The following IQGAP2 variants were observed in gnomAD, a reference collection of about 807,000 sequenced individuals.
The protein encoded by IQGAP2 is ras GTPase-activating-like protein IQGAP2.
Under a neutral mutation model 201.3 loss-of-function variants are expected in IQGAP2, and 173 were observed. The ratio of observed to expected loss-of-function variants is 0.86; its 90% confidence interval spans 0.76 to 0.98. The LOEUF is 0.98. IQGAP2 is among the 50% of genes least tolerant of loss of function. IQGAP2 has a pLI of 0.00. For synonymous variants in IQGAP2, 675 were observed against 673.9 expected (o/e 1.00, Z -0.03); for missense variants, 1,687 against 1,864.8 (o/e 0.90, Z 1.76).
At chr5:76,515,195 T>A (rs1433582652) in intron 2 of IQGAP2, among the ~76,000 whole-genome samples, 1 of 152,254 alleles carries the variant, frequency 6.6e-6, no homozygotes, top group African/African-American at 2.4e-5. Flanking sequence ...TTATCATGCT[T>A]CTTCACATGC....
At chr5:76,685,348 TA>T (rs1234899461) in intron 30 of IQGAP2, among the ~76,000 whole-genome samples, 1 of 152,218 alleles carries the variant, frequency 6.6e-6, no homozygotes, top group African/African-American at 2.4e-5. Context: ...CATGATCTCA[TA>T]AGCTTTGTCC....
chr5:76,686,536 G>T (rs190165407), intron 30 of IQGAP2, among the ~76,000 whole-genome samples: 6 of 151,984 alleles, frequency 3.9e-5, no homozygotes, highest in African/African-American at 9.7e-5. Context: ...TTGAGACAGC[G>T]TCTCGCTCTG....
chr5:76,702,696 A>T, intron 35 of IQGAP2, 106 bp downstream of exon 35: 1 of 639,440 alleles, frequency 1.6e-6, no homozygotes, highest in Non-Finnish European at 2.8e-6. Context: ...TTAACAGAAA[A>T]CCAGTGCCAG....
At chr5:76,595,605 T>G (rs1286975220) in intron 9 of IQGAP2, among the ~76,000 whole-genome samples, 1 of 151,410 alleles carries the variant, frequency 6.6e-6, no homozygotes, top group Non-Finnish European at 1.5e-5. Context: ...CAAAAAAAAT[T>G]TAAAAATTAG....
intron 3 of IQGAP2, 27 bp from the exon 4 acceptor site, chr5:76,570,553 C>G (rs1354276231): frequency 6.5e-7 from 1 of 1,536,938 alleles, no homozygotes; most frequent in South Asian, 1.1e-5. Context: ...TCCTTCTCTC[C>G]CTTTTTCCCT....
chr5:76,684,811 G>A (rs1349701429), intron 30 of IQGAP2, among the ~76,000 whole-genome samples: 2 of 152,166 alleles, frequency 1.3e-5, no homozygotes, highest in African/African-American at 2.4e-5. Flanking sequence ...TGTGCTTGAA[G>A]TGTGAATGAA....
At chr5:76,562,625 TTTACTC>T in intron 3 of IQGAP2, 73 bp downstream of exon 3, 1 of 1,339,542 alleles carries the variant, frequency 7.5e-7, no homozygotes, top group African/African-American at 1.4e-5. Flanking sequence ...TCTCCCTTCT[TTTACTC>T]TTAGTGTTTC....
At chr5:76,590,383 T>TTCTC in intron 7 of IQGAP2, 25 bp from the exon 8 acceptor site, 1 of 1,549,552 alleles carries the variant, frequency 6.5e-7, no homozygotes, top group South Asian at 1.2e-5. Context: ...AAAAACCTTT[T>TTCTC]TCTCTCTCTC....
At chr5:76,668,913 A>T (rs540518794) in intron 23 of IQGAP2, 69 bp downstream of exon 23, 271 of 923,270 alleles carry the variant, frequency 2.9e-4, no homozygotes, top group Admixed American at 3.0e-4. Flanking sequence ...GCTGTCTTTG[A>T]TTTACTAAAA....
rs1297558812 is a variant in IQGAP2, at chr5:76,683,167, G to A, written c.3713G>A (p.Ser1238Asn). The part of the protein sequence containing the change: ...AIAPEKNDLL[S>N]ELLGSLGEVP... ...GCCCCTGAGAAAAATGACTTACTGA[G>A]TGAATTGCTGGGGTCGCTGGGAGAG... Residue 1238 changes from serine to asparagine, a missense_variant, in exon 29 of 36, where the codon AGT (serine) becomes AAT (asparagine). By Grantham distance (46) the Ser-to-Asn change is conservative (BLOSUM62 1). Coordinates refer to ENST00000274364, the MANE Select transcript of IQGAP2 (RefSeq NM_006633.5). 1.2e-6 allele frequency: 2 copies of A among 1,612,748 alleles called. No individual in the cohort carries two copies. Among genetic ancestry groups the A allele is most frequent in the South Asian group, 1.1e-5 (1 of 90,876 alleles).
chr5:76,462,903 G>T (rs376244374), intron 2 of IQGAP2, among the ~76,000 whole-genome samples: 1 of 152,032 alleles, frequency 6.6e-6, no homozygotes. Flanking sequence ...GGATGCTAGC[G>T]ATTCACTATC....
intron 1 of IQGAP2, among the ~76,000 whole-genome samples, chr5:76,438,129 C>T (rs35985253): frequency 0.097 from 14,281 of 146,508 alleles, 1,748 homozygotes; most frequent in African/African-American, 0.29. Flanking sequence ...ATTCCTCTTT[C>T]TAAATCTTTA....
chr5:76,551,321 A>G (rs1284872798), intron 2 of IQGAP2, among the ~76,000 whole-genome samples: 4 of 149,586 alleles, frequency 2.7e-5, no homozygotes. Context: ...GATGCTCCTC[A>G]CTTCCTAGAT....
rs1216949089 is a variant in IQGAP2, at chr5:76,631,028, G to GA, written c.1613-824dup. 3.3e-5 allele frequency among the ~76,000 whole-genome samples: 5 copies of GA among 152,154 alleles called. No homozygotes were observed. In the South Asian group the frequency reaches 8.3e-4, roughly 25 times the overall value. ...TTTGTAGAGTTTGATGTACGTGTAAGAAAAAAAGAGAAAGCATCCGTGTCT... is the reference window on the plus strand; with the variant it reads ...TTTGTAGAGTTTGATGTACGTGTAAGAAAAAAAAGAGAAAGCATCCGTGTCT... On this transcript the variant is annotated intron_variant, in intron 14 of 35. Transcript: ENST00000274364.
chr5:76,507,381 C>A (rs1005903066), intron 2 of IQGAP2, among the ~76,000 whole-genome samples: 1 of 151,708 alleles, frequency 6.6e-6, no homozygotes, highest in Non-Finnish European at 1.5e-5. Flanking sequence ...ATGAACAAGA[C>A]CTGAATGTAA....
intron 2 of IQGAP2, among the ~76,000 whole-genome samples, chr5:76,467,627 C>T (rs1225348492): frequency 6.6e-6 from 1 of 152,122 alleles, no homozygotes; most frequent in Non-Finnish European, 1.5e-5. Flanking sequence ...CAGCAATTAT[C>T]CTCCCAGGTA....
Position 76,675,149 on chromosome 5 carries a change from G to T in IQGAP2, c.3527+440G>T, listed in dbSNP as rs541636814. ...TACATTTGACCCTTGATTAACACAG[G>T]TTTGAACTGCTCGGGTCTATTTATA... On this transcript the variant is annotated intron_variant, in intron 27 of 35. Transcript: ENST00000274364. Among the ~76,000 whole-genome samples, 125 of 152,284 alleles carry T rather than the reference G, an allele frequency of 8.2e-4. 1 individual carries two copies. The highest frequency in any genetic ancestry group is 6.8e-3 in the Middle Eastern group (2 of 294).
chr5:76,499,081 A>G (rs1041134135), intron 2 of IQGAP2, among the ~76,000 whole-genome samples: 1 of 152,240 alleles, frequency 6.6e-6, no homozygotes, highest in Non-Finnish European at 1.5e-5. Context: ...CATTACTGTG[A>G]CATCAAGGAT....
In IQGAP2 at chr5:76,707,428, TA is replaced by T. The variant is rs1748003509; in HGVS notation, c.*119del. ...ACTGCTTATAAATGTGTGATTTTTT[TA>T]AAACGACCAAAACTGTTCTGAAGAA... is the stretch of plus-strand genomic sequence containing the variant. On this transcript the variant is annotated 3_prime_UTR_variant, in exon 36 of 36. Transcript: ENST00000274364. 2.6e-5 allele frequency: 17 copies of T among 659,024 alleles called. No homozygotes were observed. Among genetic ancestry groups the T allele is most frequent in the Non-Finnish European group, 3.2e-5 (12 of 370,046 alleles). 40.8% of individuals were successfully genotyped at this position (659,024 alleles called of 1,614,324 possible). A position where few individuals can be genotyped will look rare whatever the true frequency, so the allele number is the denominator to read the frequency against.
Sources: gnomAD v4.1 joint callset for allele counts (sites outside exome capture counted in the v4.1 genomes callset) on GRCh38, gnomAD v4.1.1 for gene constraint, MANE v1.5 for transcripts, NCBI Gene and HGNC (gene_info 2026-07-23, HGNC 2026-07-21) for gene names.